PARD3: variants seen among roughly 807,000 people sequenced by gnomAD.
The protein encoded by PARD3 is par-3 family cell polarity regulator, also known as partitioning defective 3 homolog.
A neutral mutation model predicts 155.4 loss-of-function variants in PARD3; 75 were observed. The observed-to-expected ratio is 0.48, with a 90% CI of 0.40 to 0.58. PARD3 has a LOEUF of 0.58. Among genes scored for constraint, PARD3 ranks in the 20% least tolerant of loss-of-function variants. The pLI, the probability that PARD3 is intolerant of heterozygous loss-of-function variation, is 0.00. For missense variants in PARD3, 1,642 were observed against 1,721.7 expected (o/e 0.95, Z 0.82); for synonymous variants, 576 against 610.5 (o/e 0.94, Z 0.83).
intron 2 of PARD3, among the ~76,000 whole-genome samples, chr10:34,626,419 T>A (rs1281876795): frequency 6.6e-6 from 1 of 152,282 alleles, no homozygotes; most frequent in Admixed American, 6.5e-5. Flanking sequence ...CTGACTCTCA[T>A]CCCCTCTCTG....
In PARD3 at chr10:34,324,468, T is replaced by C. The variant is rs146739873; in HGVS notation, c.2833+6649A>G. Among the ~76,000 whole-genome samples, 11 of 152,188 alleles carry C rather than the reference T, an allele frequency of 7.2e-5. No individual in the cohort carries two copies. In the South Asian group the frequency reaches 1.2e-3, roughly 17 times the overall value. ...TTAGAGGGCTGGGGAAGAAAGAAGA[T>C]ACACCTCACGAAGTGTGCACCGCAT... On this transcript the variant is annotated intron_variant, in intron 19 of 24. Transcript: ENST00000374788.
intron 1 of PARD3, among the ~76,000 whole-genome samples, chr10:34,776,681 C>T (rs1190628325): frequency 1.3e-5 from 2 of 151,452 alleles, no homozygotes; most frequent in Admixed American, 6.6e-5. Context: ...TGGTCTTTCA[C>T]AACAGAAGAA....
At chr10:34,763,469 G>C (rs1210180575) in intron 1 of PARD3, among the ~76,000 whole-genome samples, 1 of 152,128 alleles carries the variant, frequency 6.6e-6, no homozygotes, top group African/African-American at 2.4e-5. Context: ...GAAAGACACA[G>C]GGTCATTCCC....
At chr10:34,750,096 T>G (rs1234061536) in intron 1 of PARD3, among the ~76,000 whole-genome samples, 3 of 146,208 alleles carry the variant, frequency 2.1e-5, no homozygotes, top group Non-Finnish European at 3.0e-5. Context: ...AATTTAAAAA[T>G]TAACAGAATT....
intron 3 of PARD3, among the ~76,000 whole-genome samples, chr10:34,491,336 T>C (rs989994375): frequency 2.0e-5 from 3 of 152,374 alleles, no homozygotes; most frequent in African/African-American, 7.2e-5. Context: ...CTCTCAGTTC[T>C]ATCAACTCAG....
At chr10:34,634,214 G>C (rs1277838307) in intron 2 of PARD3, among the ~76,000 whole-genome samples, 2 of 152,178 alleles carry the variant, frequency 1.3e-5, no homozygotes, top group East Asian at 1.9e-4. Context: ...GGGGAGTTGT[G>C]AGAAATTATC....
chr10:34,426,359 A>G (rs979639077), intron 5 of PARD3, among the ~76,000 whole-genome samples: 1 of 152,222 alleles, frequency 6.6e-6, no homozygotes, highest in South Asian at 2.1e-4. Flanking sequence ...AATGTTAAAC[A>G]ACTGAAAACA....
At chr10:34,391,448 G>C (rs973240321) in intron 7 of PARD3, among the ~76,000 whole-genome samples, 5 of 152,078 alleles carry the variant, frequency 3.3e-5, no homozygotes, top group African/African-American at 1.2e-4. Context: ...TACAGTTTTT[G>C]TTCAGACAGG....
intron 12 of PARD3, among the ~76,000 whole-genome samples, chr10:34,363,171 A>G (rs1048724011): frequency 2.0e-5 from 3 of 152,214 alleles, no homozygotes; most frequent in African/African-American, 7.2e-5. Context: ...ATAACATTTT[A>G]CCAAGGCTTA....
intron 5 of PARD3, among the ~76,000 whole-genome samples, chr10:34,446,282 C>G (rs1316264565): frequency 6.6e-6 from 1 of 152,114 alleles, no homozygotes; most frequent in Non-Finnish European, 1.5e-5. Flanking sequence ...CTCCAGACTT[C>G]CTGCTACATA....
chr10:34,559,440 TA>T (rs796329835), intron 2 of PARD3, among the ~76,000 whole-genome samples: 2,114 of 101,290 alleles, frequency 0.021, 49 homozygotes, highest in African/African-American at 0.095. Flanking sequence ...ATTTTTCTCC[TA>T]AAAAAAAATG....
intron 21 of PARD3, among the ~76,000 whole-genome samples, chr10:34,270,451 A>C (rs1955561186): frequency 6.6e-6 from 1 of 152,098 alleles, no homozygotes; most frequent in Non-Finnish European, 1.5e-5. Context: ...CCATAATTTA[A>C]ATCTTAAGTT....
chr10:34,521,364 CAAAAA>C (rs35030184), intron 2 of PARD3, among the ~76,000 whole-genome samples: 1 of 90,512 alleles, frequency 1.1e-5, no homozygotes, highest in Non-Finnish European at 2.4e-5. Context: ...AGTAACACAG[CAAAAA>C]AAAAAAAAAA....
At chr10:34,551,613 G>A in intron 2 of PARD3, among the ~76,000 whole-genome samples, 1 of 152,168 alleles carries the variant, frequency 6.6e-6, no homozygotes, top group East Asian at 1.9e-4. Flanking sequence ...AACTAAGCGA[G>A]AAGAATCCAG....
intron 22 of PARD3, among the ~76,000 whole-genome samples, chr10:34,220,716 T>C (rs914067347): frequency 6.6e-6 from 1 of 152,214 alleles, no homozygotes; most frequent in Admixed American, 6.5e-5. Context: ...TTGGGAAGAT[T>C]ATGTGCACTT....
chr10:34,144,003 A>G (rs1029311971), intron 22 of PARD3, among the ~76,000 whole-genome samples: 1 of 152,046 alleles, frequency 6.6e-6, no homozygotes, highest in Non-Finnish European at 1.5e-5. Context: ...GGAGAGAGGG[A>G]ATAAATGACA....
At chr10:34,275,642 T>C (rs1041100802) in intron 21 of PARD3, among the ~76,000 whole-genome samples, 2 of 152,196 alleles carry the variant, frequency 1.3e-5, no homozygotes, top group African/African-American at 4.8e-5. Context: ...TATTTGCATG[T>C]TATGTATTTC....
intron 2 of PARD3, among the ~76,000 whole-genome samples, chr10:34,585,053 T>C (rs2087879145): frequency 6.6e-6 from 1 of 152,172 alleles, no homozygotes; most frequent in South Asian, 2.1e-4. Context: ...TGATCATCTG[T>C]AGATTTAATA....
intron 2 of PARD3, among the ~76,000 whole-genome samples, chr10:34,598,398 T>A (rs1211503839): frequency 2.0e-5 from 3 of 152,216 alleles, no homozygotes; most frequent in African/African-American, 7.2e-5. Context: ...AATTAAACTT[T>A]CAGCTTTATG....
Sources: gnomAD v4.1 joint callset for allele counts (sites outside exome capture counted in the v4.1 genomes callset) on GRCh38, gnomAD v4.1.1 for gene constraint, MANE v1.5 for transcripts, NCBI Gene and HGNC (gene_info 2026-07-23, HGNC 2026-07-21) for gene names.